The following RPL5 variants were observed in gnomAD, a reference collection of about 807,000 sequenced individuals.
RPL5 encodes large ribosomal subunit protein uL18.
In RPL5, 1 loss-of-function variant was observed where a neutral mutation model predicts 38.4. That is an observed-to-expected ratio of 0.03 (90% CI 0.01 to 0.12). The LOEUF (loss-of-function observed/expected upper bound fraction) is 0.12, where lower values mean the gene tolerates loss of function less well. RPL5 is among the 10% of genes least tolerant of loss of function. The probability of loss-of-function intolerance (pLI) is 1.00; values close to 1 mark genes in which losing one functional copy is unlikely to be tolerated. For missense variants in RPL5, 243 were observed against 374.1 expected (o/e 0.65, Z 2.89); for synonymous variants, 109 against 121.2 (o/e 0.90, Z 0.66).
At chr1:92,832,729 G>T (rs1686958718) in intron 1 of RPL5, 1 of 431,238 alleles carries the variant, frequency 2.3e-6, no homozygotes, top group African/African-American at 2.0e-5. Flanking sequence ...GTCGCCGGAT[G>T]AGTTTTTAAT....
intron 5 of RPL5, 141 bp from the exon 6 acceptor site, chr1:92,837,315 A>G (rs972746330): frequency 2.5e-6 from 2 of 794,494 alleles, no homozygotes; most frequent in East Asian, 2.4e-5. Context: ...CCACTAACTG[A>G]GCAGTCAGTA....
chr1:92,839,038 T>G (rs527355702), intron 6 of RPL5, among the ~76,000 whole-genome samples: 1 of 151,814 alleles, frequency 6.6e-6, no homozygotes, highest in African/African-American at 2.4e-5. Context: ...CAGCTTTTTT[T>G]TTTTTTTTTT....
At chr1:92,837,855 G>A in intron 6 of RPL5, 1 of 553,088 alleles carries the variant, frequency 1.8e-6, no homozygotes, top group South Asian at 2.0e-5. Context: ...TGTATTTGTA[G>A]ATGTCATTTC....
intron 5 of RPL5, chr1:92,836,661 A>G: frequency 2.3e-6 from 1 of 437,308 alleles, no homozygotes; most frequent in Admixed American, 3.6e-5. Flanking sequence ...TTTGCATATG[A>G]CTTAATTCTT....
rs1379231105 is a variant in RPL5 at position 92,833,370 on chromosome 1, A to C, written c.4-19A>C. Reference sequence around the variant, plus strand: ...AGGCTAAGACATCAAAGTTTTAATAACATTCTTTTTTCTTTAAGGGGTTTG... The same window carrying C: ...AGGCTAAGACATCAAAGTTTTAATACCATTCTTTTTTCTTTAAGGGGTTTG... On this transcript the variant is annotated intron_variant, in intron 1 of 7. Coordinates refer to ENST00000370321, the MANE Select transcript of RPL5 (RefSeq NM_000969.5). 1 of 1,587,662 alleles carries C rather than the reference A, an allele frequency of 6.3e-7. No homozygotes were observed. Among genetic ancestry groups the C allele is most frequent in the Non-Finnish European group, 8.6e-7 (1 of 1,156,418 alleles).
intron 3 of RPL5, chr1:92,834,057 C>T (rs1330031837): frequency 7.2e-6 from 2 of 279,080 alleles, no homozygotes; most frequent in Non-Finnish European, 6.9e-6. Context: ...AGATCACACC[C>T]AGCCCTCCAA....
intron 3 of RPL5, chr1:92,834,010 ATTGT>A (rs763835810): frequency 1.6e-5 from 5 of 317,688 alleles, no homozygotes; most frequent in Non-Finnish European, 3.0e-5. Flanking sequence ...CAGTGGGAGG[ATTGT>A]TTGAGCCCCG....
rs745785928 is a variant in RPL5 at position 92,833,676 on chromosome 1, G to A, written c.189+16G>A. The A allele has an allele frequency of 1.3e-6, 2 of 1,588,582 alleles. No individual in the cohort carries two copies. The highest frequency in any genetic ancestry group is 1.7e-6 in the Non-Finnish European group (2 of 1,158,784). On this transcript the variant is annotated intron_variant, in intron 3 of 7. Coordinates refer to ENST00000370321, the MANE Select transcript of RPL5 (RefSeq NM_000969.5). ...CATTTGTCAGGTAAGTTGTATTCTA[G>A]ACAGTCCCCTTTTTTTATTGCTAGA...
At chr1:92,832,570 G>A (rs985828320) in intron 1 of RPL5, among the ~76,000 whole-genome samples, 10 of 152,214 alleles carry the variant, frequency 6.6e-5, no homozygotes, top group South Asian at 6.2e-4. Context: ...GAGCCGGCAA[G>A]TCTTAGATTT....
intron 6 of RPL5, among the ~76,000 whole-genome samples, chr1:92,838,111 C>A (rs1687197746): frequency 6.6e-6 from 1 of 152,180 alleles, no homozygotes. Context: ...CAGATGAGAG[C>A]CATTCCTGAC....
Position 92,832,060 on chromosome 1 carries a change from C to A in RPL5, c.-55C>A. 1 of 1,612,356 alleles carries A rather than the reference C, an allele frequency of 6.2e-7. No homozygotes were observed. Among genetic ancestry groups the A allele is most frequent in the Non-Finnish European group, 8.5e-7 (1 of 1,179,288 alleles). On this transcript the variant is annotated 5_prime_UTR_variant, in exon 1 of 8. Coordinates refer to ENST00000370321, the MANE Select transcript of RPL5 (RefSeq NM_000969.5). The stretch of plus-strand genomic sequence containing the variant: ...GTGGCCCTTTTCCCACCCCCTAGCG[C>A]CGCTGGGCCTGCAGGTCTCTGTCGA...
chr1:92,834,598 G>A (rs1023462029), intron 3 of RPL5, among the ~76,000 whole-genome samples, 181 bp from the exon 4 acceptor site: 7 of 152,158 alleles, frequency 4.6e-5, no homozygotes, highest in Non-Finnish European at 1.0e-4. Flanking sequence ...AAATATTTGG[G>A]TATTCCTCTT....
Position 92,838,716 on chromosome 1 carries a change from G to T in RPL5, c.705+1083G>T, listed in dbSNP as rs538091125. 6.7e-4 allele frequency among the ~76,000 whole-genome samples: 102 copies of T among 152,278 alleles called. 1 individual carries two copies. Among genetic ancestry groups the T allele is most frequent in the Admixed American group, 2.9e-3 (44 of 15,296 alleles). On this transcript the variant is annotated intron_variant, in intron 6 of 7. Coordinates refer to ENST00000370321, the MANE Select transcript of RPL5 (RefSeq NM_000969.5). ...TTATCTACATGTCTGCTTGTCTGAC[G>T]TCTTGGAAGGAACTGGGTTGCTTAG...
chr1:92,841,782 A>T lies in RPL5; in HGVS notation c.811A>T (p.Met271Leu). ...CTTTTGTAGGTGGAACCGTCCCAAA[A>T]TGTCCCTTGCTCAGAAGAAGGATCG... ...VKKKRWNRPK[M>L]SLAQKKDRVA... Residue 271 changes from methionine (M) to leucine (L), a missense_variant, in exon 8 of 8, where the codon ATG becomes TTG. By Grantham distance (15) the Met-to-Leu change is conservative. Coordinates refer to ENST00000370321, the MANE Select transcript of RPL5 (RefSeq NM_000969.5). The T allele has an allele frequency of 1.2e-6, 2 of 1,611,470 alleles. No homozygotes were observed. Among genetic ancestry groups the T allele is most frequent in the Non-Finnish European group, 1.7e-6 (2 of 1,179,510 alleles).
At position 92,834,788 on chromosome 1, in the gene RPL5, G is replaced by T. The variant is rs904664294; in HGVS notation, c.199G>T (p.Ala67Ser). 1.9e-6 allele frequency: 3 copies of T among 1,613,140 alleles called. No homozygotes were observed. The highest frequency in any genetic ancestry group is 2.2e-5 in the East Asian group (1 of 44,902). ...NRDIICQIAY[A>S]RIEGDMIVCA... ...TTCTCTCTTACTATAGATTGCTTAT[G>T]CCCGTATAGAGGGGGATATGATAGT... is the stretch of plus-strand genomic sequence containing the variant. Residue 67 changes from alanine (A) to serine (S), a missense_variant, in exon 4 of 8, where the codon GCC becomes TCC. Coordinates refer to ENST00000370321, the MANE Select transcript of RPL5 (RefSeq NM_000969.5).
intron 1 of RPL5, chr1:92,832,383 G>A (rs1226199558): frequency 1.6e-6 from 1 of 609,506 alleles, no homozygotes; most frequent in African/African-American, 1.8e-5. Context: ...GACAGCCTGA[G>A]TGCGGATACT....
chr1:92,835,621 T>TTGC (rs1399864012), intron 4 of RPL5, among the ~76,000 whole-genome samples: 1 of 148,992 alleles, frequency 6.7e-6, no homozygotes, highest in African/African-American at 2.5e-5. Context: ...GATCACGCCA[T>TTGC]TGCACTCCAG....
Position 92,840,610 on chromosome 1 carries a change from G to A in RPL5, c.765G>A (p.Lys255=). The A allele has an allele frequency of 1.9e-6, 3 of 1,611,404 alleles. No homozygotes were observed. The highest frequency in any genetic ancestry group is 1.1e-5 in the South Asian group (1 of 91,046). The change falls in exon 7 of 8, where the codon AAG becomes AAA. Residue 255 remains lysine, a synonymous_variant. Coordinates refer to ENST00000370321, the MANE Select transcript of RPL5 (RefSeq NM_000969.5). ...TACGAGAGAATCCAGTCTATGAAAA[G>A]AAGCCCAAGAAAGAAGTTAAAAAGA... ...AAIRENPVYE[K]KPKKEVKKKR...
chr1:92,833,719 G>GCTTC, intron 3 of RPL5, 59 bp downstream of exon 3: 6 of 1,327,972 alleles, frequency 4.5e-6, no homozygotes, highest in Non-Finnish European at 6.5e-6. Flanking sequence ...TGCTTGGGAA[G>GCTTC]CAAAGCACAT....
Sources: gnomAD v4.1 joint callset for allele counts (sites outside exome capture counted in the v4.1 genomes callset) on GRCh38, gnomAD v4.1.1 for gene constraint, MANE v1.5 for transcripts, NCBI Gene and HGNC (gene_info 2026-07-23, HGNC 2026-07-21) for gene names.